Variants in PPIL4 observed in about 807,000 individuals in gnomAD.
PPIL4 encodes the protein peptidyl-prolyl cis-trans isomerase-like 4.
PPIL4 carries 50 observed loss-of-function variants against 69.1 expected under a neutral mutation model. The ratio of observed to expected loss-of-function variants is 0.72; its 90% CI spans 0.58 to 0.92. PPIL4 has a LOEUF of 0.92. Among genes scored for constraint, PPIL4 ranks in the 40% least tolerant of loss-of-function variants. PPIL4 has a pLI of 0.00. For synonymous variants in PPIL4, 193 were observed against 191.6 expected (o/e 1.01, Z -0.06); for missense variants, 480 against 587.9 (o/e 0.82, Z 1.90).
chr6:149,505,834 CTAA>C, intron 12 of PPIL4, 130 bp from the exon 13 acceptor site: 1 of 703,420 alleles, frequency 1.4e-6, no homozygotes, highest in East Asian at 2.7e-5. Context: ...AACACTACCA[CTAA>C]TGTCAAGAAT....
intron 1 of PPIL4, among the ~76,000 whole-genome samples, chr6:149,543,828 C>CA (rs1777397941): frequency 6.6e-6 from 1 of 152,086 alleles, no homozygotes; most frequent in African/African-American, 2.4e-5. Context: ...AGCTGTTAAA[C>CA]AAAGCTGGTC....
At chr6:149,535,314 C>T (rs942174752) in intron 5 of PPIL4, among the ~76,000 whole-genome samples, 1 of 152,126 alleles carries the variant, frequency 6.6e-6, no homozygotes, top group South Asian at 2.1e-4. Context: ...CAAGATCGCG[C>T]CACTGCACTC....
intron 5 of PPIL4, among the ~76,000 whole-genome samples, 174 bp from the exon 6 acceptor site, chr6:149,534,948 A>C (rs538607543): frequency 2.0e-5 from 3 of 152,360 alleles, no homozygotes; most frequent in Admixed American, 2.0e-4. Context: ...ACTGTTTTGC[A>C]TTGAGTGATA....
intron 12 of PPIL4, among the ~76,000 whole-genome samples, chr6:149,507,194 G>A (rs1409970227): frequency 2.0e-5 from 3 of 152,188 alleles, no homozygotes; most frequent in Non-Finnish European, 2.9e-5. Flanking sequence ...TTAAGGACTG[G>A]GTTTTAAGCA....
chr6:149,527,034 C>G (rs1777118410), intron 7 of PPIL4, among the ~76,000 whole-genome samples: 1 of 152,206 alleles, frequency 6.6e-6, no homozygotes, highest in Non-Finnish European at 1.5e-5. Flanking sequence ...TACGCTAATT[C>G]TTGAAACAAT....
At chr6:149,540,825 C>G in intron 4 of PPIL4, 117 bp downstream of exon 4, 1 of 521,276 alleles carries the variant, frequency 1.9e-6, no homozygotes, top group South Asian at 4.7e-5. Flanking sequence ...TTTCCCCTAA[C>G]ACATATTTCT....
At chr6:149,513,632 A>G (rs1304656460) in intron 11 of PPIL4, among the ~76,000 whole-genome samples, 6 of 151,634 alleles carry the variant, frequency 4.0e-5, no homozygotes, top group Non-Finnish European at 8.8e-5. Flanking sequence ...ACATGAAAAA[A>G]GCTTAAAGCA....
intron 12 of PPIL4, among the ~76,000 whole-genome samples, chr6:149,507,634 C>T (rs557490341): frequency 6.6e-6 from 1 of 152,242 alleles, no homozygotes; most frequent in South Asian, 2.1e-4. Flanking sequence ...CAAATGGGCA[C>T]TTAAGTGCTT....
intron 10 of PPIL4, 48 bp downstream of exon 10, chr6:149,521,012 C>CAAAA: frequency 1.0e-5 from 9 of 868,740 alleles, no homozygotes; most frequent in Admixed American, 2.6e-5. Context: ...GACTCCATCT[C>CAAAA]AAAAAAAAAA....
At chr6:149,512,814 C>G (rs1490730520) in intron 11 of PPIL4, among the ~76,000 whole-genome samples, 1 of 152,046 alleles carries the variant, frequency 6.6e-6, no homozygotes, top group Non-Finnish European at 1.5e-5. Flanking sequence ...GCGATCTCAG[C>G]TCACTGCAAC....
intron 11 of PPIL4, among the ~76,000 whole-genome samples, chr6:149,515,136 C>A (rs1776922862): frequency 6.6e-6 from 1 of 151,086 alleles, no homozygotes; most frequent in Non-Finnish European, 1.5e-5. Context: ...CTGCACCCAG[C>A]CAATTTTTTT....
At chr6:149,509,817 C>G (rs906937042) in intron 12 of PPIL4, among the ~76,000 whole-genome samples, 4 of 152,130 alleles carry the variant, frequency 2.6e-5, no homozygotes, top group African/African-American at 9.7e-5. Context: ...CTGTGTAAAA[C>G]TATGGGCAAG....
intron 10 of PPIL4, among the ~76,000 whole-genome samples, chr6:149,520,776 G>A (rs985034255): frequency 6.6e-6 from 1 of 152,158 alleles, no homozygotes; most frequent in African/African-American, 2.4e-5. Context: ...CACTTTGAGA[G>A]GCCAAGGCGG....
chr6:149,512,235 T>C lies in PPIL4; in HGVS notation c.1147A>G (p.Lys383Glu), dbSNP rs776561241. 5 of 1,613,610 alleles carry C rather than the reference T, an allele frequency of 3.1e-6. No individual in the cohort carries two copies. In the South Asian group the frequency reaches 5.5e-5, roughly 18 times the overall value. Residue 383 changes from lysine (K) to glutamate (E), a missense_variant, in exon 12 of 13, where the codon AAA (lysine) becomes GAA (glutamate). Lys to Glu is a moderately conservative substitution (Grantham distance 56, BLOSUM62 1). Coordinates refer to ENST00000253329, the MANE Select transcript of PPIL4 (RefSeq NM_139126.4). The stretch of plus-strand genomic sequence containing the variant: ...TGATGGGTTTTCTTCTTGTGTTTTT[T>C]ACTTGTGTGTGAGTGACTTGATTTT... ...DSKSSHSHTS[K>E]KHKKKTHHCS...
intron 5 of PPIL4, 115 bp from the exon 6 acceptor site, chr6:149,534,889 T>C (rs1777251707): frequency 1.7e-6 from 1 of 590,220 alleles, no homozygotes; most frequent in South Asian, 2.5e-5. Context: ...AAAAAACCCA[T>C]ATTGCATATG....
chr6:149,526,481 T>A (rs572229599), intron 8 of PPIL4, among the ~76,000 whole-genome samples, 171 bp downstream of exon 8: 1 of 152,314 alleles, frequency 6.6e-6, no homozygotes, highest in African/African-American at 2.4e-5. Flanking sequence ...TGTATGTATG[T>A]CTACACACAC....
intron 9 of PPIL4, among the ~76,000 whole-genome samples, chr6:149,524,674 T>G (rs1583207952): frequency 6.6e-6 from 1 of 152,080 alleles, no homozygotes; most frequent in Admixed American, 6.6e-5. Flanking sequence ...CCGAGGCAGG[T>G]GGATTGCTTG....
intron 4 of PPIL4, among the ~76,000 whole-genome samples, chr6:149,538,672 G>A (rs1777315952): frequency 1.3e-5 from 2 of 152,162 alleles, no homozygotes; most frequent in Non-Finnish European, 2.9e-5. Flanking sequence ...CCTCATGGAT[G>A]ACTTTGAGTG....
intron 11 of PPIL4, among the ~76,000 whole-genome samples, chr6:149,514,200 C>T (rs1317226273): frequency 6.6e-6 from 1 of 152,192 alleles, no homozygotes; most frequent in Non-Finnish European, 1.5e-5. Context: ...CTCCAACTTC[C>T]CTCTTTTCAC....
Sources: gnomAD v4.1 joint callset for allele counts (sites outside exome capture counted in the v4.1 genomes callset) on GRCh38, gnomAD v4.1.1 for gene constraint, MANE v1.5 for transcripts, NCBI Gene and HGNC (gene_info 2026-07-23, HGNC 2026-07-21) for gene names.